The following TLN2 variants were observed in gnomAD, a reference collection of about 807,000 sequenced individuals.
TLN2 encodes talin-2.
TLN2 carries 118 observed loss-of-function variants against 294.7 expected under a neutral mutation model. The ratio of observed to expected loss-of-function variants is 0.40; its 90% confidence interval spans 0.34 to 0.47. The LOEUF is 0.47. Among genes scored for constraint, TLN2 ranks in the 20% least tolerant of loss-of-function variants. The pLI, the probability that TLN2 is intolerant of heterozygous loss-of-function variation, is 0.84. For missense variants in TLN2, 3,083 were observed against 3,282.2 expected, an observed-to-expected ratio of 0.94 and a Z score of 1.48; for synonymous variants, 1,431 against 1,304.5, an observed-to-expected ratio of 1.10 and a Z score of -2.09.
At chr15:62,756,204 C>T (rs1200116151) in intron 37 of TLN2, among the ~76,000 whole-genome samples, 1 of 152,156 alleles carries the variant, frequency 6.6e-6, no homozygotes, top group Non-Finnish European at 1.5e-5. Flanking sequence ...CTGTTTATAG[C>T]TGTTTGAATG....
chr15:62,600,245 G>A (rs1359473100), intron 2 of TLN2, among the ~76,000 whole-genome samples: 3 of 152,192 alleles, frequency 2.0e-5, no homozygotes, highest in South Asian at 2.1e-4. Context: ...GTTGTGCAGC[G>A]ACTTGGGCTC....
At chr15:62,529,573 AAAAAAG>A (rs1213243998) in intron 1 of TLN2, among the ~76,000 whole-genome samples, 1 of 151,660 alleles carries the variant, frequency 6.6e-6, no homozygotes, top group East Asian at 1.9e-4. Flanking sequence ...AAAAAAAAAA[AAAAAAG>A]GACAGTACAT....
At chr15:62,743,915 CT>C (rs2061473403) in intron 32 of TLN2, among the ~76,000 whole-genome samples, 1 of 152,316 alleles carries the variant, frequency 6.6e-6, no homozygotes, top group African/African-American at 2.4e-5. Flanking sequence ...ACCTGCCCCC[CT>C]GGCTCCCCTT....
Position 62,697,736 on chromosome 15 carries a change from C to G in TLN2, c.1341C>G (p.His447Gln), listed in dbSNP as rs766782206. 1.2e-6 allele frequency: 2 copies of G among 1,610,306 alleles called. No homozygotes were observed. Among genetic ancestry groups the G allele is most frequent in the Non-Finnish European group, 8.5e-7 (1 of 1,177,310 alleles). The change falls in exon 15 of 59, where the codon CAC (histidine) becomes CAG (glutamine). Residue 447 changes from histidine to glutamine, a missense_variant. Coordinates refer to ENST00000636159, the MANE Select transcript of TLN2 (RefSeq NM_015059.3). ...TCAACCGGACCGGGAAGGCAGAGCACGGCTCAGTGGCGCTGCCGGCCGTGA... is the reference window on the plus strand; with the variant it reads ...TCAACCGGACCGGGAAGGCAGAGCAGGGCTCAGTGGCGCTGCCGGCCGTGA... ...QQFNRTGKAE[H>Q]GSVALPAVMR...
At chr15:62,413,529 G>A (rs930250220) in intron 1 of TLN2, among the ~76,000 whole-genome samples, 4 of 152,316 alleles carry the variant, frequency 2.6e-5, no homozygotes, top group Admixed American at 6.5e-5. Context: ...TTGGCTTGAC[G>A]CGCCAGATAG....
intron 52 of TLN2, among the ~76,000 whole-genome samples, chr15:62,813,372 A>C (rs889022061): frequency 1.3e-5 from 2 of 152,208 alleles, no homozygotes; most frequent in African/African-American, 4.8e-5. Context: ...TAGTTCTCTA[A>C]GGCCATTCAG....
chr15:62,649,851 A>G, intron 4 of TLN2: 1 of 472,680 alleles, frequency 2.1e-6, no homozygotes, highest in Non-Finnish European at 3.9e-6. Context: ...ACTACAGCCC[A>G]CTGGTTTTAG....
chr15:62,440,485 CA>C (rs1257492805), intron 1 of TLN2, among the ~76,000 whole-genome samples: 1 of 152,120 alleles, frequency 6.6e-6, no homozygotes, highest in Non-Finnish European at 1.5e-5. Flanking sequence ...AACCAAATGG[CA>C]GAGCATTTTT....
intron 1 of TLN2, among the ~76,000 whole-genome samples, chr15:62,489,997 A>G (rs2038621062): frequency 1.3e-5 from 2 of 152,222 alleles, no homozygotes; most frequent in Non-Finnish European, 2.9e-5. Flanking sequence ...TTCCTGACTC[A>G]TGAAATCTGT....
intron 1 of TLN2, among the ~76,000 whole-genome samples, chr15:62,468,755 T>C (rs707600): frequency 7.6e-6 from 1 of 131,112 alleles, no homozygotes; most frequent in Non-Finnish European, 1.6e-5. Context: ...AAAAAAAAAA[T>C]AAAAATAAAA....
At chr15:62,541,923 G>T (rs1457803747) in intron 1 of TLN2, among the ~76,000 whole-genome samples, 1 of 151,206 alleles carries the variant, frequency 6.6e-6, no homozygotes, top group African/African-American at 2.4e-5. Flanking sequence ...CAGCTGCTTT[G>T]CTATATTGTG....
At chr15:62,535,297 T>C (rs1008902339) in intron 1 of TLN2, among the ~76,000 whole-genome samples, 2 of 152,142 alleles carry the variant, frequency 1.3e-5, no homozygotes, top group African/African-American at 4.8e-5. Flanking sequence ...TCCCAGATTC[T>C]GATGTAATTG....
Position 62,435,116 on chromosome 15 carries a change from A to C in TLN2, c.-238+44431A>C, listed in dbSNP as rs181395802. 3.9e-4 allele frequency among the ~76,000 whole-genome samples: 60 copies of C among 152,276 alleles called. No homozygotes were observed. In the East Asian group the frequency reaches 9.3e-3, roughly 23 times the overall value. ...AGATCTTGTTCTTTTTTATGGCTGCATAGTATTCCATGGTGTATATGTTCC... is the reference window on the plus strand; with the variant it reads ...AGATCTTGTTCTTTTTTATGGCTGCCTAGTATTCCATGGTGTATATGTTCC... On this transcript the variant is annotated intron_variant, in intron 1 of 58. Transcript: ENST00000636159.
chr15:62,760,384 C>G (rs1202166750), intron 37 of TLN2, among the ~76,000 whole-genome samples: 1 of 152,148 alleles, frequency 6.6e-6, no homozygotes, highest in East Asian at 1.9e-4. Flanking sequence ...TACTGAAAAA[C>G]AGAAATGCTC....
intron 2 of TLN2, among the ~76,000 whole-genome samples, chr15:62,590,962 A>AT (rs1224889071): frequency 6.6e-6 from 1 of 151,002 alleles, no homozygotes; most frequent in Non-Finnish European, 1.5e-5. Flanking sequence ...GGAAAAAAAA[A>AT]GTCAGGACCT....
intron 51 of TLN2, among the ~76,000 whole-genome samples, chr15:62,807,967 A>G (rs2066410014): frequency 6.6e-6 from 1 of 152,198 alleles, no homozygotes; most frequent in African/African-American, 2.4e-5. Flanking sequence ...GAGCGCATGC[A>G]ATAATGCATA....
In TLN2 at chr15:62,555,934, C is replaced by CTT. The variant is rs11356198; in HGVS notation, c.-237-33737_-237-33736dup. On this transcript the variant is annotated intron_variant, in intron 1 of 58. Transcript: ENST00000636159. The stretch of plus-strand genomic sequence containing the variant: ...CCTTTCATTATTCTTATTTTTTAAA[C>CTT]TTTTTTTTTTTTTTTTTGGTCATCC... Among the ~76,000 whole-genome samples the CTT allele has an allele frequency of 6.7e-5, 8 of 120,108 alleles. No homozygotes were observed. In the Admixed American group the frequency reaches 6.7e-4, roughly 10 times the overall value. The allele number at this position is 120,108 out of a possible 152,430, so 78.8% of individuals were successfully genotyped here. A position where few individuals can be genotyped will look rare whatever the true frequency, so the allele number is the denominator to read the frequency against.
At chr15:62,646,425 G>A (rs1222690763) in intron 3 of TLN2, among the ~76,000 whole-genome samples, 2 of 152,118 alleles carry the variant, frequency 1.3e-5, no homozygotes, top group Non-Finnish European at 2.9e-5. Context: ...GCCTCCCAAA[G>A]TGCTGGGATT....
intron 1 of TLN2, among the ~76,000 whole-genome samples, chr15:62,566,624 CTT>C (rs757929282): frequency 4.7e-4 from 63 of 135,434 alleles, no homozygotes; most frequent in Non-Finnish European, 4.8e-4. Flanking sequence ...AGAAACCTTC[CTT>C]TTTTTTTTTT....
Sources: allele counts gnomAD v4.1 joint callset (sites outside exome capture counted in the v4.1 genomes callset), GRCh38; gene constraint gnomAD v4.1.1; transcripts MANE v1.5; gene names NCBI Gene and HGNC (gene_info 2026-07-23, HGNC 2026-07-21).